AKR1C8: variants seen among roughly 807,000 people sequenced by gnomAD.
The protein encoded by AKR1C8 is aldo-keto reductase family 1 member C-like protein 1.
the AKR1C8 span, among the ~76,000 whole-genome samples, chr10:5,158,016 G>T: frequency 2.6e-5 from 4 of 152,278 alleles, no homozygotes; most frequent in South Asian, 2.1e-4. Context: ...GGATAAACAA[G>T]TTATCCATAC....
chr10:5,174,818 TAAAA>T, the AKR1C8 span, among the ~76,000 whole-genome samples: 4 of 151,848 alleles, frequency 2.6e-5, no homozygotes, highest in Non-Finnish European at 5.9e-5. Context: ...CTGTCTTAAA[TAAAA>T]TAAAATAAAA....
chr10:5,136,053 G>A, the AKR1C8 span, among the ~76,000 whole-genome samples: 1 of 152,108 alleles, frequency 6.6e-6, no homozygotes, highest in Admixed American at 6.6e-5. Context: ...TGGAAACAGT[G>A]CCTTATAGTA....
the AKR1C8 span, among the ~76,000 whole-genome samples, chr10:5,178,059 T>G: frequency 6.6e-6 from 1 of 152,178 alleles, no homozygotes; most frequent in East Asian, 1.9e-4. Flanking sequence ...CTAGTTCTTT[T>G]AATTGTGATG....
chr10:5,142,604 A>G, the AKR1C8 span, among the ~76,000 whole-genome samples: 12 of 152,248 alleles, frequency 7.9e-5, no homozygotes, highest in East Asian at 2.1e-3. Context: ...CTTAGGGTAT[A>G]GGAAGGCCTG....
At chr10:5,122,021 A>G in the AKR1C8 span, 1 of 251,464 alleles carries the variant, frequency 4.0e-6, no homozygotes. Context: ...TGTAGGAAAG[A>G]TGTGTCCCTC....
At chr10:5,160,440 C>G in the AKR1C8 span, among the ~76,000 whole-genome samples, 42,770 of 151,972 alleles carry the variant, frequency 0.28, 6,838 homozygotes, top group Non-Finnish European at 0.36. Flanking sequence ...CACTGTCCTG[C>G]ACCTTCCACC....
the AKR1C8 span, among the ~76,000 whole-genome samples, chr10:5,169,796 G>A: frequency 5.3e-5 from 8 of 152,008 alleles, no homozygotes; most frequent in Admixed American, 3.9e-4. Flanking sequence ...GTAATATTTA[G>A]CTTAAAAGGA....
chr10:5,157,686 C>A, the AKR1C8 span: 1 of 472,858 alleles, frequency 2.1e-6, no homozygotes, highest in South Asian at 1.5e-5. Context: ...CCAGCACCAC[C>A]ACTCCCCGCT....
the AKR1C8 span, among the ~76,000 whole-genome samples, chr10:5,127,620 G>A: frequency 1.3e-5 from 2 of 150,888 alleles, no homozygotes; most frequent in African/African-American, 4.9e-5. Flanking sequence ...TCAGGAGCCT[G>A]AGTCAGGAGA....
At chr10:5,119,733 T>G in the AKR1C8 span, among the ~76,000 whole-genome samples, 1 of 152,162 alleles carries the variant, frequency 6.6e-6, no homozygotes, top group African/African-American at 2.4e-5. Context: ...AGGAAGAAAT[T>G]CTGCTAGTAT....
the AKR1C8 span, among the ~76,000 whole-genome samples, chr10:5,117,691 C>T: frequency 0.2 from 30,535 of 152,026 alleles, 3,915 homozygotes; most frequent in East Asian, 0.62. Context: ...TTGGTGAGGT[C>T]TTCAGGCTGC....
chr10:5,145,994 T>A, the AKR1C8 span, among the ~76,000 whole-genome samples: 1 of 151,918 alleles, frequency 6.6e-6, no homozygotes, highest in Non-Finnish European at 1.5e-5. Flanking sequence ...GTGGCACATA[T>A]ACACCATGGA....
the AKR1C8 span, among the ~76,000 whole-genome samples, chr10:5,127,963 C>T: frequency 2.0e-5 from 3 of 151,844 alleles, no homozygotes; most frequent in African/African-American, 7.3e-5. Context: ...AAAATATTAC[C>T]ACCAAGTCAC....
chr10:5,137,122 T>A, the AKR1C8 span, among the ~76,000 whole-genome samples: 59,602 of 152,028 alleles, frequency 0.39, 12,504 homozygotes, highest in Non-Finnish European at 0.43. Flanking sequence ...GCTAACAATT[T>A]TCTGAACCTT....
chr10:5,183,943 T>C, the AKR1C8 span, among the ~76,000 whole-genome samples: 1 of 152,198 alleles, frequency 6.6e-6, no homozygotes, highest in Non-Finnish European at 1.5e-5. Context: ...ACCAACAGAC[T>C]TCTAGGAAAG....
chr10:5,126,233 A>G, the AKR1C8 span, among the ~76,000 whole-genome samples: 613 of 152,258 alleles, frequency 4.0e-3, 5 homozygotes, highest in African/African-American at 0.013. Flanking sequence ...GGGTACACCT[A>G]TACACAGCTT....
chr10:5,174,756 T>TA, the AKR1C8 span, among the ~76,000 whole-genome samples: 20 of 151,858 alleles, frequency 1.3e-4, no homozygotes, highest in Non-Finnish European at 1.3e-4. Flanking sequence ...GTGTTTTTAA[T>TA]AAAAAATTAT....
the AKR1C8 span, among the ~76,000 whole-genome samples, chr10:5,133,500 T>C: frequency 6.6e-6 from 1 of 152,168 alleles, no homozygotes; most frequent in African/African-American, 2.4e-5. Context: ...TCAGTGATGT[T>C]GCACAAAACA....
At chr10:5,129,245 A>G in the AKR1C8 span, among the ~76,000 whole-genome samples, 2 of 151,998 alleles carry the variant, frequency 1.3e-5, no homozygotes, top group Non-Finnish European at 2.9e-5. Flanking sequence ...TAATAGTGAC[A>G]CAATGAAGAC....
Sources: gnomAD v4.1 joint callset for allele counts (sites outside exome capture counted in the v4.1 genomes callset) on GRCh38, gnomAD v4.1.1 for gene constraint, MANE v1.5 for transcripts, NCBI Gene and HGNC (gene_info 2026-07-23, HGNC 2026-07-21) for gene names.